ZBTB20: variants seen among roughly 807,000 people sequenced by gnomAD.
ZBTB20 encodes zinc finger and BTB domain containing 20, also known as zinc finger and BTB domain-containing protein 20.
Under a neutral mutation model 56.9 loss-of-function variants are expected in ZBTB20, and 9 were observed. That is an observed-to-expected ratio of 0.16 (90% CI 0.10 to 0.28). The LOEUF is 0.28. Ranked by LOEUF, ZBTB20 falls within the 10% of genes least tolerant of loss-of-function variation. ZBTB20 has a pLI of 1.00. For synonymous variants in ZBTB20, 417 were observed against 420.7 expected, an observed-to-expected ratio of 0.99 and a Z score of 0.11; for missense variants, 655 against 1,003.0, an observed-to-expected ratio of 0.65 and a Z score of 4.69.
chr3:114,769,394 C>T (rs1047580137), intron 5 of ZBTB20, among the ~76,000 whole-genome samples: 3 of 151,222 alleles, frequency 2.0e-5, no homozygotes, highest in Admixed American at 2.0e-4. Flanking sequence ...CACTATCATA[C>T]ATATATACTA....
intron 3 of ZBTB20, among the ~76,000 whole-genome samples, chr3:114,953,068 CAAT>C (rs1407878881): frequency 6.6e-6 from 1 of 151,872 alleles, no homozygotes; most frequent in Non-Finnish European, 1.5e-5. Flanking sequence ...TATGACAAAA[CAAT>C]AATGCAAAAC....
chr3:114,451,763 G>A (rs574546242), intron 7 of ZBTB20, among the ~76,000 whole-genome samples: 11 of 152,234 alleles, frequency 7.2e-5, no homozygotes, highest in African/African-American at 2.4e-4. Flanking sequence ...GAACTGGAGC[G>A]GATTGCCTAC....
chr3:114,355,163 TCA>T (rs112779050), intron 10 of ZBTB20, among the ~76,000 whole-genome samples: 4 of 151,326 alleles, frequency 2.6e-5, no homozygotes, highest in East Asian at 3.9e-4. Context: ...ACACAGATAA[TCA>T]CACACACACA....
intron 7 of ZBTB20, among the ~76,000 whole-genome samples, chr3:114,449,248 C>G (rs760858096): frequency 1.3e-4 from 20 of 152,186 alleles, no homozygotes; most frequent in Admixed American, 5.2e-4. Context: ...TTTCTTCAAG[C>G]CTTTTCAAGA....
chr3:114,882,503 G>T (rs1015562655), intron 4 of ZBTB20, among the ~76,000 whole-genome samples: 1 of 151,978 alleles, frequency 6.6e-6, no homozygotes, highest in Non-Finnish European at 1.5e-5. Flanking sequence ...TTTTTAAACA[G>T]CGAAGAAACT....
chr3:114,988,508 C>T (rs544630854), intron 2 of ZBTB20, among the ~76,000 whole-genome samples: 3 of 151,984 alleles, frequency 2.0e-5, no homozygotes, highest in Non-Finnish European at 2.9e-5. Flanking sequence ...CATTGATGGA[C>T]ATTTGGGTTG....
chr3:114,885,706 T>C (rs2076578820), intron 4 of ZBTB20, among the ~76,000 whole-genome samples: 1 of 152,150 alleles, frequency 6.6e-6, no homozygotes, highest in Non-Finnish European at 1.5e-5. Context: ...ATTTCAGGGA[T>C]TACTTAATTT....
chr3:114,828,045 G>A (rs2073635469), intron 4 of ZBTB20, among the ~76,000 whole-genome samples: 1 of 151,550 alleles, frequency 6.6e-6, no homozygotes, highest in South Asian at 2.1e-4. Context: ...GGGATTAACT[G>A]ATAAATCTAT....
chr3:114,766,743 G>A (rs1020455014), intron 5 of ZBTB20, among the ~76,000 whole-genome samples: 2 of 151,880 alleles, frequency 1.3e-5, no homozygotes, highest in Admixed American at 6.6e-5. Flanking sequence ...ATTTAATCTG[G>A]GAGAAGAAAG....
At chr3:114,638,064 A>T (rs72954514) in intron 6 of ZBTB20, among the ~76,000 whole-genome samples, 3,371 of 152,076 alleles carry the variant, frequency 0.022, 115 homozygotes, top group African/African-American at 0.076. Context: ...TGAGTTTTGA[A>T]ATTTATAAGC....
At chr3:115,034,940 G>T (rs1028536191) in intron 2 of ZBTB20, among the ~76,000 whole-genome samples, 2 of 151,974 alleles carry the variant, frequency 1.3e-5, no homozygotes, top group African/African-American at 4.8e-5. Context: ...CTTGAAAAGG[G>T]TGCTAAAATT....
chr3:114,973,112 G>T (rs536345457), intron 3 of ZBTB20, among the ~76,000 whole-genome samples: 12 of 152,288 alleles, frequency 7.9e-5, no homozygotes, highest in African/African-American at 2.9e-4. Context: ...AAACTTACGT[G>T]CAAAGAGAAT....
intron 6 of ZBTB20, among the ~76,000 whole-genome samples, chr3:114,627,462 T>C (rs577353131): frequency 1.2e-4 from 19 of 152,310 alleles, no homozygotes; most frequent in Admixed American, 9.2e-4. Context: ...AATTCTTACA[T>C]CTTAAGCCTA....
At chr3:114,893,934 T>TA (rs1248041771) in intron 4 of ZBTB20, among the ~76,000 whole-genome samples, 2 of 152,174 alleles carry the variant, frequency 1.3e-5, no homozygotes. Context: ...CAATTGTCAG[T>TA]AAAAAATTCA....
chr3:114,467,083 A>G (rs1005426714), intron 7 of ZBTB20, among the ~76,000 whole-genome samples: 1 of 152,216 alleles, frequency 6.6e-6, no homozygotes, highest in African/African-American at 2.4e-5. Context: ...AGCAAGGGAT[A>G]GGAAAGCACA....
At chr3:114,672,033 C>A (rs896486699) in intron 6 of ZBTB20, among the ~76,000 whole-genome samples, 1 of 152,090 alleles carries the variant, frequency 6.6e-6, no homozygotes, top group African/African-American at 2.4e-5. Context: ...AGAATAAAAA[C>A]TTTGGATGCA....
intron 6 of ZBTB20, among the ~76,000 whole-genome samples, chr3:114,504,044 C>A (rs763221258): frequency 6.6e-6 from 1 of 152,160 alleles, no homozygotes; most frequent in South Asian, 2.1e-4. Context: ...GGGAGAAAAA[C>A]CCTCTTTCAA....
intron 1 of ZBTB20, chr3:115,144,783 T>G (rs1004432762): frequency 2.6e-5 from 4 of 152,184 alleles, no homozygotes; most frequent in African/African-American, 9.7e-5. Flanking sequence ...ACCTGATACT[T>G]TCTTTAGCTT....
Position 115,107,984 on chromosome 3 carries a change from C to T in ZBTB20, c.-702-36570G>A, listed in dbSNP as rs115465324. Among the ~76,000 whole-genome samples the T allele has an allele frequency of 6.6e-3, 1,002 of 152,162 alleles. 7 individuals carry two copies. The highest frequency in any genetic ancestry group is 0.013 in the Non-Finnish European group (867 of 68,002). On this transcript the variant is annotated intron_variant, in intron 1 of 11. Transcript: ENST00000675478. ...AGGAACGACACACACCAGGGCCTGT[C>T]GGCGGGTGGGGGGTGAGAGGAGGGA...
Sources: gnomAD v4.1 joint callset for allele counts (sites outside exome capture counted in the v4.1 genomes callset) on GRCh38, gnomAD v4.1.1 for gene constraint, MANE v1.5 for transcripts, NCBI Gene and HGNC (gene_info 2026-07-23, HGNC 2026-07-21) for gene names.